The following KLRF2 variants were observed in gnomAD, a reference collection of about 807,000 sequenced individuals.
The protein encoded by KLRF2 is killer cell lectin like receptor F2.
In KLRF2, 28 loss-of-function variants were observed where a neutral mutation model predicts 25.3. That is an observed-to-expected ratio of 1.11 (90% CI 0.82 to 1.52). The LOEUF is 1.52. Among genes scored for constraint, KLRF2 ranks in the 40% most tolerant of loss-of-function variants. The pLI is 0.00. For missense variants in KLRF2, 265 were observed against 245.8 expected (o/e 1.08, Z -0.52); for synonymous variants, 73 against 85.0 (o/e 0.86, Z 0.78).
chr12:9,887,624 G>A (rs542216555), intron 2 of KLRF2, among the ~76,000 whole-genome samples: 3 of 151,600 alleles, frequency 2.0e-5, no homozygotes, highest in Admixed American at 6.6e-5. Flanking sequence ...ATTAACAACT[G>A]TTCTGTTTTC....
At chr12:9,893,350 G>A (rs941127505) in intron 4 of KLRF2, 79 bp from the exon 5 acceptor site, 25 of 810,902 alleles carry the variant, frequency 3.1e-5, no homozygotes, top group African/African-American at 8.6e-5. Flanking sequence ...TATTAATGCC[G>A]GCACAGAGAC....
At chr12:9,894,948 C>CA (rs2137006329) in intron 5 of KLRF2, among the ~76,000 whole-genome samples, 1 of 152,100 alleles carries the variant, frequency 6.6e-6, no homozygotes, top group South Asian at 2.1e-4. Flanking sequence ...TTAAGGAAAA[C>CA]AACACACATG....
intron 3 of KLRF2, among the ~76,000 whole-genome samples, chr12:9,892,580 CT>C (rs66824753): frequency 0.14 from 15,158 of 104,542 alleles, 741 homozygotes; most frequent in African/African-American, 0.29. Flanking sequence ...TACAGAACTG[CT>C]TTTTTTTTTT....
chr12:9,894,225 A>G (rs1301020775), intron 5 of KLRF2, among the ~76,000 whole-genome samples: 1 of 138,758 alleles, frequency 7.2e-6, no homozygotes, highest in Non-Finnish European at 1.5e-5. Flanking sequence ...TCTGTGGCTC[A>G]GGCTGGAGTG....
chr12:9,882,821 G>A (rs1591775273), intron 1 of KLRF2, among the ~76,000 whole-genome samples: 1 of 152,128 alleles, frequency 6.6e-6, no homozygotes. Context: ...AAAGCCCACA[G>A]ACTAAATGTA....
chr12:9,882,051 TC>T, intron 1 of KLRF2, among the ~76,000 whole-genome samples: 1 of 151,974 alleles, frequency 6.6e-6, no homozygotes, highest in East Asian at 1.9e-4. Context: ...ATATTTTTAA[TC>T]TTCGTAAAAG....
chr12:9,893,461 T>C lies in KLRF2; in HGVS notation c.399T>C (p.His133=). 6.6e-7 allele frequency: 1 copy of C among 1,506,466 alleles called. No individual in the cohort carries two copies. The highest frequency in any genetic ancestry group is 8.9e-7 in the Non-Finnish European group (1 of 1,121,598). The allele number at this position is 1,506,466 out of a possible 1,614,324, so 93.3% of individuals were successfully genotyped here. Residue 133 remains histidine (H), a synonymous_variant, in exon 5 of 6, where the codon CAT becomes CAC. Transcript: ENST00000535540. Reference sequence around the variant, plus strand: ...TACAGAACAGTTTAAAACCTGGACATTTTGGTTGGATTGGACTATATGTTA... The same window carrying C: ...TACAGAACAGTTTAAAACCTGGACACTTTGGTTGGATTGGACTATATGTTA... The part of the protein sequence containing the change: ...EFIQNSLKPG[H]FGWIGLYVTF...
intron 3 of KLRF2, among the ~76,000 whole-genome samples, chr12:9,889,381 A>G (rs1416067380): frequency 1.3e-5 from 2 of 152,088 alleles, no homozygotes; most frequent in Non-Finnish European, 2.9e-5. Context: ...ATGAAATTGG[A>G]TTTTGCATTT....
chr12:9,885,032 C>T lies in KLRF2; in HGVS notation c.169C>T (p.His57Tyr), dbSNP rs575845984. Residue 57 changes from histidine to tyrosine, a missense_variant and splice_region_variant, in exon 2 of 6, where the codon CAT becomes TAT. Coordinates refer to ENST00000535540, the MANE Select transcript of KLRF2 (RefSeq NM_001190765.1). ...IMTGIDLKFW[H>Y]KKMDFSQNVN... Reference sequence around the variant, plus strand: ...GACAGGGATTGACCTGAAGTTCTGGCGTGAGTAGTAAATTTTTATTTATTT... The same window carrying T: ...GACAGGGATTGACCTGAAGTTCTGGTGTGAGTAGTAAATTTTTATTTATTT... 136 of 1,190,382 alleles carry T rather than the reference C, an allele frequency of 1.1e-4. No individual in the cohort carries two copies. Among genetic ancestry groups the T allele is most frequent in the Admixed American group, 3.0e-4 (8 of 26,504 alleles). 73.7% of individuals were successfully genotyped at this position (1,190,382 alleles called of 1,614,324 possible).
chr12:9,893,554 T>C lies in KLRF2; in HGVS notation c.479+13T>C. On this transcript the variant is annotated intron_variant, in intron 5 of 5. Transcript: ENST00000535540. ...TAGTTCCAGAATTGTGAGTAGTTAT[T>C]TGTAAGGGAGGGGTGCTAATGTTTA... is the stretch of plus-strand genomic sequence containing the variant. 9.2e-7 allele frequency: 1 copy of C among 1,092,602 alleles called. No individual in the cohort carries two copies. The allele number at this position is 1,092,602 out of a possible 1,614,324, so 67.7% of individuals were successfully genotyped here. A position where few individuals can be genotyped will look rare whatever the true frequency, so the allele number is the denominator to read the frequency against.
At position 9,881,668 on chromosome 12, in the gene KLRF2, A is replaced by G. The variant is rs924693057; in HGVS notation, c.70+3A>G. On this transcript the variant is annotated splice_donor_region_variant and intron_variant, in intron 1 of 5. Transcript: ENST00000535540. ...TAAATCGAAGCAGAAATCTAAAGGT[A>G]GGAATACTGCTCCCCATCACCGCAT... 6 of 1,531,210 alleles carry G rather than the reference A, an allele frequency of 3.9e-6. No homozygotes were observed. The highest frequency in any genetic ancestry group is 3.6e-5 in the South Asian group (3 of 83,952). 94.9% of individuals were successfully genotyped at this position (1,531,210 alleles called of 1,614,324 possible). A position where few individuals can be genotyped will look rare whatever the true frequency, so the allele number is the denominator to read the frequency against.
intron 3 of KLRF2, among the ~76,000 whole-genome samples, chr12:9,889,215 A>C (rs911704664): frequency 2.0e-5 from 3 of 152,222 alleles, no homozygotes; most frequent in African/African-American, 7.2e-5. Flanking sequence ...TTAAACTTTC[A>C]AATGAGGATA....
intron 3 of KLRF2, among the ~76,000 whole-genome samples, chr12:9,892,217 AAGTT>A (rs10543885): frequency 0.02 from 3,051 of 152,310 alleles, 50 homozygotes; most frequent in Middle Eastern, 0.044. Flanking sequence ...ATTAAAGAAA[AAGTT>A]AGCGGGTAAA....
intron 1 of KLRF2, among the ~76,000 whole-genome samples, chr12:9,882,299 T>C (rs1315528235): frequency 6.6e-6 from 1 of 152,184 alleles, no homozygotes; most frequent in Non-Finnish European, 1.5e-5. Context: ...CATTCTCGTG[T>C]ACAATCTCAT....
In KLRF2 at chr12:9,888,754, A is replaced by G. The variant is rs568660991; in HGVS notation, c.191A>G (p.Gln64Arg). 19 of 1,504,674 alleles carry G rather than the reference A, an allele frequency of 1.3e-5. No homozygotes were observed. The South Asian group carries it at 2.2e-4, about 17-fold the overall frequency. The allele number at this position is 1,504,674 out of a possible 1,614,324, so 93.2% of individuals were successfully genotyped here. ...ACAGATAAAAAAATGGATTTCTCCC[A>G]GAATGTAAACGTCAGCAGTCTATCA... is the stretch of plus-strand genomic sequence containing the variant. Reference protein sequence around the residue: ...KFWHKKMDFSQNVNVSSLSGH... With the variant: ...KFWHKKMDFSRNVNVSSLSGH... The change falls in exon 3 of 6, where the codon CAG becomes CGG. Residue 64 changes from glutamine to arginine, a missense_variant. By Grantham distance (43) the Gln-to-Arg change is conservative. Coordinates refer to ENST00000535540, the MANE Select transcript of KLRF2 (RefSeq NM_001190765.1).
At chr12:9,894,077 TTCTC>T (rs928436592) in intron 5 of KLRF2, among the ~76,000 whole-genome samples, 7 of 150,976 alleles carry the variant, frequency 4.6e-5, no homozygotes, top group African/African-American at 1.5e-4. Flanking sequence ...TTCTTTCTCT[TTCTC>T]TCTTCTTCTT....
At chr12:9,888,500 T>A (rs545835397) in intron 2 of KLRF2, among the ~76,000 whole-genome samples, 69 of 149,858 alleles carry the variant, frequency 4.6e-4, no homozygotes, top group African/African-American at 1.7e-3. Flanking sequence ...AAAAAAAAAA[T>A]AAAAATAATA....
intron 2 of KLRF2, among the ~76,000 whole-genome samples, chr12:9,887,180 GA>G (rs1481400048): frequency 3.3e-5 from 5 of 152,000 alleles, no homozygotes; most frequent in Non-Finnish European, 5.9e-5. Flanking sequence ...CATTTCTCAA[GA>G]GTAAAAGCAA....
chr12:9,890,392 G>A (rs1322842714), intron 3 of KLRF2, among the ~76,000 whole-genome samples: 4 of 151,006 alleles, frequency 2.6e-5, no homozygotes, highest in Non-Finnish European at 5.9e-5. Flanking sequence ...CCCATCTTTC[G>A]AGAGCTGAGG....
Sources: allele counts gnomAD v4.1 joint callset (sites outside exome capture counted in the v4.1 genomes callset), GRCh38; gene constraint gnomAD v4.1.1; transcripts MANE v1.5; gene names NCBI Gene and HGNC (gene_info 2026-07-23, HGNC 2026-07-21).